Variants in TMTC2 observed in about 807,000 individuals in gnomAD.
TMTC2 encodes protein O-mannosyl-transferase TMTC2.
A neutral mutation model predicts 82.4 loss-of-function variants in TMTC2; 43 were observed. The ratio of observed to expected loss-of-function variants is 0.52; its 90% CI spans 0.41 to 0.67. The LOEUF is 0.67. Among genes scored for constraint, TMTC2 ranks in the 30% least tolerant of loss-of-function variants. TMTC2 has a pLI of 0.00. For missense variants in TMTC2, 919 were observed against 1,012.4 expected (o/e 0.91, Z 1.25); for synonymous variants, 408 against 381.9 (o/e 1.07, Z -0.80).
At chr12:83,123,706 G>C (rs1885023035) in intron 11 of TMTC2, among the ~76,000 whole-genome samples, 1 of 151,984 alleles carries the variant, frequency 6.6e-6, no homozygotes, top group Non-Finnish European at 1.5e-5. Flanking sequence ...CCTCTATTGG[G>C]GCGACTCTTC....
At chr12:82,754,795 G>A (rs1876213775) in intron 1 of TMTC2, among the ~76,000 whole-genome samples, 1 of 152,136 alleles carries the variant, frequency 6.6e-6, no homozygotes, top group Non-Finnish European at 1.5e-5. Flanking sequence ...ATGCAGTAGT[G>A]TATCATTTTG....
chr12:82,969,334 ATGTGTCATT>A lies in TMTC2; in HGVS notation c.1948+2339_1948+2347del, dbSNP rs542226414. 4.9e-3 allele frequency among the ~76,000 whole-genome samples: 750 copies of A among 152,222 alleles called. 2 individuals are homozygous for A. The highest frequency in any genetic ancestry group is 0.017 in the African/African-American group (706 of 41,534). Reference sequence around the variant, plus strand: ...TAGCCTGTAAGTGTTCATTTTTCTCATGTGTCATTTACCCCTTCACAACCACTACCCCCA... The same window carrying A: ...TAGCCTGTAAGTGTTCATTTTTCTCATACCCCTTCACAACCACTACCCCCA... On this transcript the variant is annotated intron_variant, in intron 7 of 11. Coordinates refer to ENST00000321196, the MANE Select transcript of TMTC2 (RefSeq NM_152588.3).
intron 11 of TMTC2, among the ~76,000 whole-genome samples, chr12:83,081,806 AG>A (rs1883481256): frequency 2.0e-5 from 3 of 152,126 alleles, no homozygotes; most frequent in Admixed American, 2.0e-4. Context: ...TGGGAGGCCG[AG>A]GCAGGAGCAT....
chr12:83,023,312 A>G (rs1307267108), intron 8 of TMTC2, among the ~76,000 whole-genome samples: 1 of 152,164 alleles, frequency 6.6e-6, no homozygotes, highest in Admixed American at 6.5e-5. Flanking sequence ...ATTTTTTGGT[A>G]TTTGCAAACT....
chr12:83,104,472 C>T (rs1230742970), intron 11 of TMTC2, among the ~76,000 whole-genome samples: 2 of 152,232 alleles, frequency 1.3e-5, no homozygotes, highest in African/African-American at 2.4e-5. Flanking sequence ...AACTCTGCTT[C>T]CCTGCAGGCT....
At chr12:82,973,380 A>G (rs1484407965) in intron 7 of TMTC2, among the ~76,000 whole-genome samples, 1 of 152,172 alleles carries the variant, frequency 6.6e-6, no homozygotes, top group Non-Finnish European at 1.5e-5. Flanking sequence ...CCTGGTATAT[A>G]GAGTTCGCCA....
chr12:83,040,771 G>A (rs891931168), intron 9 of TMTC2, among the ~76,000 whole-genome samples: 1 of 145,706 alleles, frequency 6.9e-6, no homozygotes, highest in Non-Finnish European at 1.5e-5. Context: ...CGCAAGCTCT[G>A]CCTCCCGGGT....
chr12:82,813,585 C>T (rs924286225), intron 1 of TMTC2, among the ~76,000 whole-genome samples: 3 of 152,022 alleles, frequency 2.0e-5, no homozygotes, highest in African/African-American at 7.2e-5. Context: ...CTATGAGTCT[C>T]CTACCTCCCT....
At chr12:82,726,102 G>A (rs1874433122) in intron 1 of TMTC2, among the ~76,000 whole-genome samples, 1 of 152,074 alleles carries the variant, frequency 6.6e-6, no homozygotes, top group Non-Finnish European at 1.5e-5. Context: ...ACATGTTTTG[G>A]GGTAAAATAT....
At chr12:83,020,423 A>T (rs1482373533) in intron 8 of TMTC2, among the ~76,000 whole-genome samples, 8 of 152,244 alleles carry the variant, frequency 5.3e-5, no homozygotes, top group African/African-American at 1.4e-4. Context: ...GTCTGAAAAC[A>T]GCATATTTTA....
At chr12:82,902,932 A>C (rs1470024913) in intron 3 of TMTC2, among the ~76,000 whole-genome samples, 3 of 152,226 alleles carry the variant, frequency 2.0e-5, no homozygotes, top group Non-Finnish European at 4.4e-5. Context: ...AGCTAGCTAG[A>C]TAGATTATAG....
At chr12:82,893,309 T>C (rs1293395662) in intron 2 of TMTC2, among the ~76,000 whole-genome samples, 3 of 150,012 alleles carry the variant, frequency 2.0e-5, no homozygotes, top group Admixed American at 6.7e-5. Context: ...AGGTAGAGGT[T>C]ACAGTGAGCT....
At chr12:82,981,291 TTTG>T (rs1878904483) in intron 7 of TMTC2, among the ~76,000 whole-genome samples, 1 of 151,882 alleles carries the variant, frequency 6.6e-6, no homozygotes, top group Admixed American at 6.6e-5. Context: ...TGTCCAGTAA[TTTG>T]AAACATAAGA....
chr12:82,917,152 T>A (rs1293148413), intron 3 of TMTC2, among the ~76,000 whole-genome samples: 1 of 152,158 alleles, frequency 6.6e-6, no homozygotes, highest in Non-Finnish European at 1.5e-5. Flanking sequence ...TCTTTGCTAA[T>A]AGATGGAGTG....
At chr12:82,947,527 A>G (rs1419906981) in intron 4 of TMTC2, among the ~76,000 whole-genome samples, 1 of 144,326 alleles carries the variant, frequency 6.9e-6, no homozygotes, top group Non-Finnish European at 1.5e-5. Context: ...TATTTTTAGT[A>G]GAGACGGGGT....
chr12:83,041,905 T>C (rs1020721040), intron 9 of TMTC2, among the ~76,000 whole-genome samples: 17 of 152,208 alleles, frequency 1.1e-4, no homozygotes, highest in Non-Finnish European at 2.2e-4. Flanking sequence ...GAAGTTTGTG[T>C]TGTGTGAAGA....
chr12:82,933,165 G>A (rs374847209), intron 4 of TMTC2, among the ~76,000 whole-genome samples: 5 of 152,012 alleles, frequency 3.3e-5, no homozygotes, highest in East Asian at 1.9e-4. Flanking sequence ...CACCCTAAAC[G>A]GAGAAGCTTA....
chr12:83,130,302 A>T (rs749640251), intron 11 of TMTC2, among the ~76,000 whole-genome samples: 1 of 152,228 alleles, frequency 6.6e-6, no homozygotes, highest in Non-Finnish European at 1.5e-5. Context: ...CAGGATAATA[A>T]CAGTGGTGTG....
chr12:82,776,006 G>T lies in TMTC2; in HGVS notation c.84-81004G>T, dbSNP rs1405830798. On this transcript the variant is annotated intron_variant, in intron 1 of 11. Coordinates refer to ENST00000321196, the MANE Select transcript of TMTC2 (RefSeq NM_152588.3). ...TCTCAAAGTTGTACATGCATGGGTT[G>T]CCTGTGTGTGCACCCGTAAAACCCA... is the stretch of plus-strand genomic sequence containing the variant. Among the ~76,000 whole-genome samples, 4 of 152,082 alleles carry T rather than the reference G, an allele frequency of 2.6e-5. No homozygotes were observed. In the East Asian group the frequency reaches 7.7e-4, roughly 29 times the overall value.
Sources: allele counts gnomAD v4.1 joint callset (sites outside exome capture counted in the v4.1 genomes callset), GRCh38; gene constraint gnomAD v4.1.1; transcripts MANE v1.5; gene names NCBI Gene and HGNC (gene_info 2026-07-23, HGNC 2026-07-21).